The following TNFAIP8 variants were observed in gnomAD, a reference collection of about 807,000 sequenced individuals.
TNFAIP8 encodes TNF alpha induced protein 8, also known as tumor necrosis factor alpha-induced protein 8.
In TNFAIP8, 7 loss-of-function variants were observed where a neutral mutation model predicts 13.3. The observed-to-expected ratio is 0.52, with a 90% CI of 0.30 to 0.99. The LOEUF is 0.99. Among genes scored for constraint, TNFAIP8 ranks in the 50% least tolerant of loss-of-function variants. The pLI is 0.07. For missense variants in TNFAIP8, 258 were observed against 236.9 expected, an observed-to-expected ratio of 1.09 and a Z score of -0.58; for synonymous variants, 94 against 87.6, an observed-to-expected ratio of 1.07 and a Z score of -0.41.
At chr5:119,370,503 G>A (rs1385108677) in intron 1 of TNFAIP8, among the ~76,000 whole-genome samples, 1 of 152,152 alleles carries the variant, frequency 6.6e-6, no homozygotes, top group Non-Finnish European at 1.5e-5. Context: ...TTATCTTCCT[G>A]CCTGGAAGTT....
chr5:119,392,162 G>A (rs1752917564), intron 1 of TNFAIP8, among the ~76,000 whole-genome samples: 1 of 152,226 alleles, frequency 6.6e-6, no homozygotes, highest in Non-Finnish European at 1.5e-5. Context: ...TCTGGAGGCT[G>A]AAATTCAAGG....
At chr5:119,332,052 A>AATATGGTT (rs1432772290) in intron 1 of TNFAIP8, among the ~76,000 whole-genome samples, 1 of 152,216 alleles carries the variant, frequency 6.6e-6, no homozygotes, top group Non-Finnish European at 1.5e-5. Flanking sequence ...AGAACACAAA[A>AATATGGTT]ATATGGTTTC....
At chr5:119,332,636 T>C (rs142681288) in intron 1 of TNFAIP8, among the ~76,000 whole-genome samples, 2 of 152,202 alleles carry the variant, frequency 1.3e-5, no homozygotes, top group East Asian at 1.9e-4. Context: ...CAAGGTGCAG[T>C]AGGGGCTAAA....
At chr5:119,277,498 C>T (rs1748493600) in intron 1 of TNFAIP8, among the ~76,000 whole-genome samples, 1 of 152,130 alleles carries the variant, frequency 6.6e-6, no homozygotes, top group Non-Finnish European at 1.5e-5. Flanking sequence ...TTTGTGCGCA[C>T]ACTTGGCGTC....
intron 1 of TNFAIP8, among the ~76,000 whole-genome samples, chr5:119,287,295 T>TA (rs1393545652): frequency 2.2e-5 from 3 of 138,068 alleles, no homozygotes; most frequent in African/African-American, 7.7e-5. Context: ...TTTTTTTTTT[T>TA]TTTTTGCTTT....
intron 1 of TNFAIP8, among the ~76,000 whole-genome samples, chr5:119,360,112 T>C (rs1283685691): frequency 6.6e-6 from 1 of 152,234 alleles, no homozygotes; most frequent in South Asian, 2.1e-4. Flanking sequence ...ATATTGAATA[T>C]GCATCCTACC....
chr5:119,341,193 T>C (rs919434308), intron 1 of TNFAIP8, among the ~76,000 whole-genome samples: 3 of 152,012 alleles, frequency 2.0e-5, no homozygotes, highest in Non-Finnish European at 2.9e-5. Flanking sequence ...TGCTCTGCTC[T>C]GAAACAGCAC....
At chr5:119,365,177 CCTTTGGCCTT>C (rs1319467773) in intron 1 of TNFAIP8, among the ~76,000 whole-genome samples, 31 of 152,040 alleles carry the variant, frequency 2.0e-4, no homozygotes, top group African/African-American at 7.0e-4. Context: ...TTATTTGCTC[CCTTTGGCCTT>C]CACTTCCTCT....
chr5:119,298,772 A>G (rs548035746), intron 1 of TNFAIP8, among the ~76,000 whole-genome samples: 6 of 152,074 alleles, frequency 3.9e-5, no homozygotes, highest in African/African-American at 1.5e-4. Flanking sequence ...GTCTTTTCAC[A>G]TAGTCCCATA....
Position 119,304,564 on chromosome 5 carries a change from C to G in TNFAIP8, c.1+35657C>G, listed in dbSNP as rs968179755. 2.0e-5 allele frequency among the ~76,000 whole-genome samples: 3 copies of G among 152,208 alleles called. No individual in the cohort carries two copies. The East Asian group carries it at 5.8e-4, about 29-fold the overall frequency. On this transcript the variant is annotated intron_variant, in intron 1 of 1. Coordinates refer to the TNFAIP8 transcript ENST00000274456. ...ATAGGCAAAGTCCTTAAAACTTGCA[C>G]CTTAGAATTACCTGAATATGATGCC...
At position 119,396,028 on chromosome 5, in the gene TNFAIP8, CATTT is replaced by C. The variant is rs1753064576; in HGVS notation, c.*2649_*2652del. ...GTATTATGTGTCGGGCACATTAACTCATTTAATTCTGCCACAATCTTCACCATCT... is the reference window on the plus strand; with the variant it reads ...GTATTATGTGTCGGGCACATTAACTCAATTCTGCCACAATCTTCACCATCT... On this transcript the variant is annotated 3_prime_UTR_variant, in exon 2 of 2. Coordinates refer to ENST00000504771, the MANE Select transcript of TNFAIP8 (RefSeq NM_014350.4). 6.6e-6 allele frequency: 1 copy of C among 152,132 alleles called. No individual in the cohort carries two copies. The highest frequency in any genetic ancestry group is 1.5e-5 in the Non-Finnish European group (1 of 68,036). The allele number at this position is 152,132 out of a possible 1,614,324, so 9.4% of individuals were successfully genotyped here.
intron 1 of TNFAIP8, among the ~76,000 whole-genome samples, chr5:119,284,981 T>C (rs1436674738): frequency 1.3e-5 from 2 of 152,238 alleles, no homozygotes; most frequent in Non-Finnish European, 2.9e-5. Flanking sequence ...TTTCTTACTA[T>C]CTGTGCCATC....
chr5:119,303,315 G>C (rs1363905989), intron 1 of TNFAIP8, among the ~76,000 whole-genome samples: 2 of 152,242 alleles, frequency 1.3e-5, no homozygotes, highest in East Asian at 3.9e-4. Context: ...GAAGTCAGAG[G>C]CTTGGGTCCC....
chr5:119,336,103 A>G (rs1480359029), intron 1 of TNFAIP8, among the ~76,000 whole-genome samples: 1 of 152,092 alleles, frequency 6.6e-6, no homozygotes, highest in Non-Finnish European at 1.5e-5. Flanking sequence ...AGGGGGAGAG[A>G]TGAGTCAGAG....
chr5:119,334,057 A>T (rs770250712), intron 1 of TNFAIP8, among the ~76,000 whole-genome samples: 2 of 151,588 alleles, frequency 1.3e-5, no homozygotes, highest in Non-Finnish European at 1.5e-5. Flanking sequence ...CCGTGGGGCA[A>T]CCCGTAAACA....
At chr5:119,317,603 T>A (rs906218908) in intron 1 of TNFAIP8, among the ~76,000 whole-genome samples, 57 of 148,918 alleles carry the variant, frequency 3.8e-4, no homozygotes, top group Admixed American at 8.1e-4. Context: ...TAATAATTAT[T>A]ATTATTATTA....
At chr5:119,313,053 A>G (rs907540303) in intron 1 of TNFAIP8, among the ~76,000 whole-genome samples, 1 of 152,312 alleles carries the variant, frequency 6.6e-6, no homozygotes, top group South Asian at 2.1e-4. Context: ...AATTATATTA[A>G]AAGAACCTCA....
intron 1 of TNFAIP8, among the ~76,000 whole-genome samples, chr5:119,274,589 C>T (rs889802769): frequency 6.6e-6 from 1 of 152,168 alleles, no homozygotes; most frequent in Admixed American, 6.5e-5. Flanking sequence ...TGCTCCTTTG[C>T]TTTTATGACC....
chr5:119,383,042 C>A (rs1752545985), intron 1 of TNFAIP8, among the ~76,000 whole-genome samples: 2 of 152,214 alleles, frequency 1.3e-5, no homozygotes, highest in South Asian at 4.1e-4. Context: ...GCATTTTGTG[C>A]ATCTCCAAAG....
Sources: gnomAD v4.1 joint callset for allele counts (sites outside exome capture counted in the v4.1 genomes callset) on GRCh38, gnomAD v4.1.1 for gene constraint, MANE v1.5 for transcripts, NCBI Gene and HGNC (gene_info 2026-07-23, HGNC 2026-07-21) for gene names.